Variants in HDAC9 observed in about 807,000 individuals in gnomAD.
The protein encoded by HDAC9 is histone deacetylase 9.
A neutral mutation model predicts 139.4 loss-of-function variants in HDAC9; 41 were observed. The observed-to-expected ratio is 0.29, with a 90% CI of 0.23 to 0.38. HDAC9 has a LOEUF of 0.38. Ranked by LOEUF, HDAC9 falls within the 10% of genes least tolerant of loss-of-function variation. The pLI is 1.00. For missense variants in HDAC9, 1,147 were observed against 1,297.0 expected (o/e 0.88, Z 1.78); for synonymous variants, 517 against 476.2 (o/e 1.09, Z -1.12).
chr7:18,389,398 T>C (rs1320387701), intron 1 of HDAC9, among the ~76,000 whole-genome samples: 29 of 152,200 alleles, frequency 1.9e-4, no homozygotes, highest in Admixed American at 1.9e-3. Context: ...GGCCCTGTAG[T>C]GATGGTAGCT....
chr7:18,513,707 T>C (rs940718545), intron 2 of HDAC9, among the ~76,000 whole-genome samples: 14 of 152,226 alleles, frequency 9.2e-5, no homozygotes, highest in Non-Finnish European at 1.8e-4. Context: ...AATCTAGCTG[T>C]CTTCTCTGGC....
chr7:18,543,292 T>C (rs1813621646), intron 2 of HDAC9: 1 of 152,140 alleles, frequency 6.6e-6, no homozygotes, highest in African/African-American at 2.4e-5. Context: ...AATGGTGAAT[T>C]TGCATGATGT....
chr7:18,845,362 C>G (rs1044065450), intron 21 of HDAC9, among the ~76,000 whole-genome samples: 3 of 152,096 alleles, frequency 2.0e-5, no homozygotes, highest in Admixed American at 2.0e-4. Context: ...CTCCCATTGT[C>G]AGAGCTGAGC....
chr7:18,192,514 G>T (rs558680472), intron 2 of HDAC9, among the ~76,000 whole-genome samples: 10 of 152,264 alleles, frequency 6.6e-5, no homozygotes, highest in Non-Finnish European at 1.3e-4. Flanking sequence ...GGAATCATGG[G>T]TATTTACTGT....
chr7:18,776,149 C>T (rs1790749282), intron 16 of HDAC9, among the ~76,000 whole-genome samples: 1 of 152,034 alleles, frequency 6.6e-6, no homozygotes, highest in Non-Finnish European at 1.5e-5. Context: ...CACTACGTTG[C>T]TCTGGCTAGT....
intron 22 of HDAC9, among the ~76,000 whole-genome samples, chr7:18,906,521 T>G (rs1183636806): frequency 2.6e-5 from 4 of 152,182 alleles, no homozygotes; most frequent in African/African-American, 9.7e-5. Flanking sequence ...TTTGAGTTGT[T>G]AAGATAATAT....
At chr7:18,517,702 CTTAA>C (rs1335640567) in intron 2 of HDAC9, 1 of 152,152 alleles carries the variant, frequency 6.6e-6, no homozygotes, top group East Asian at 1.9e-4. Context: ...GACAGGATGC[CTTAA>C]TTAAAGAAGA....
intron 1 of HDAC9, among the ~76,000 whole-genome samples, chr7:18,435,231 A>G (rs1791078325): frequency 6.6e-6 from 1 of 152,046 alleles, no homozygotes; most frequent in Admixed American, 6.6e-5. Flanking sequence ...AAAGAGAAGA[A>G]CAATAGACAG....
At chr7:18,482,475 G>A (rs1795646685) in intron 1 of HDAC9, among the ~76,000 whole-genome samples, 1 of 144,000 alleles carries the variant, frequency 6.9e-6, no homozygotes, top group Non-Finnish European at 1.5e-5. Context: ...CCCCTTATGT[G>A]GATATTGTTT....
At chr7:18,287,444 A>G (rs1442496487), upstream of HDAC9, among the ~76,000 whole-genome samples, 1 of 152,214 alleles carries the variant, frequency 6.6e-6, no homozygotes, top group Admixed American at 6.5e-5. Context: ...TTTTTGATTG[A>G]GCAACCAGTA....
chr7:18,458,088 A>G (rs965944796), intron 1 of HDAC9, among the ~76,000 whole-genome samples: 1 of 152,192 alleles, frequency 6.6e-6, no homozygotes, highest in Non-Finnish European at 1.5e-5. Context: ...CTTGCCATCA[A>G]AGAGTAGGTG....
At chr7:18,236,291 T>C (rs372673710) in intron 2 of HDAC9, among the ~76,000 whole-genome samples, 1 of 152,148 alleles carries the variant, frequency 6.6e-6, no homozygotes, top group East Asian at 1.9e-4. Context: ...CGACAAGTCT[T>C]CCAGGTGACT....
At chr7:18,574,806 G>C (rs1825498712) in intron 2 of HDAC9, among the ~76,000 whole-genome samples, 1 of 152,248 alleles carries the variant, frequency 6.6e-6, no homozygotes, top group Non-Finnish European at 1.5e-5. Context: ...TTCAAAATCA[G>C]AGCGAGTGCT....
intron 16 of HDAC9, among the ~76,000 whole-genome samples, chr7:18,785,025 C>G (rs540866180): frequency 2.5e-4 from 38 of 151,610 alleles, no homozygotes; most frequent in South Asian, 6.3e-4. Context: ...ATATGATGTT[C>G]CTTGACCCTT....
intron 2 of HDAC9, among the ~76,000 whole-genome samples, chr7:18,518,944 G>A (rs559503942): frequency 5.0e-4 from 76 of 152,256 alleles, no homozygotes; most frequent in Non-Finnish European, 8.5e-4. Flanking sequence ...GGGATGTGTC[G>A]TTTGCCCCTT....
intron 1 of HDAC9, among the ~76,000 whole-genome samples, chr7:18,325,165 G>A (rs761782017): frequency 2.6e-5 from 4 of 152,114 alleles, no homozygotes; most frequent in African/African-American, 9.7e-5. Context: ...TTGTCTATGA[G>A]ATGAAGTAGA....
chr7:18,437,542 T>A (rs1446694172), intron 1 of HDAC9, among the ~76,000 whole-genome samples: 2 of 149,938 alleles, frequency 1.3e-5, no homozygotes, highest in African/African-American at 2.4e-5. Context: ...TATATATATA[T>A]AATCTGGAAA....
intron 22 of HDAC9, among the ~76,000 whole-genome samples, chr7:18,901,757 A>C (rs1215641067): frequency 1.3e-5 from 2 of 152,208 alleles, no homozygotes; most frequent in African/African-American, 4.8e-5. Context: ...TTATTTAATC[A>C]TAAAAGTTGT....
Position 18,975,854 on chromosome 7 carries a change from C to T in HDAC9, c.3071C>T (p.Ala1024Val), listed in dbSNP as rs1784514704. Residue 1024 changes from alanine (A) to valine (V), a missense_variant, in exon 25 of 26, where the codon GCT (alanine) becomes GTT (valine). Ala to Val is a moderately conservative substitution (Grantham distance 64). This residue lies in a region of HDAC9 where 407 missense variants were observed against 521.5 expected (regional missense o/e 0.78). Transcript: ENST00000686413. Reference sequence around the variant, plus strand: ...ATGGTGGCTGTGCCAAGGGGCTGTGCTCTGGCTGGTGCTCAGTTGCAAGAG... The same window carrying T: ...ATGGTGGCTGTGCCAAGGGGCTGTGTTCTGGCTGGTGCTCAGTTGCAAGAG... ...VRMVAVPRGC[A>V]LAGAQLQEET... 2 of 1,613,754 alleles carry T rather than the reference C, an allele frequency of 1.2e-6. No individual in the cohort carries two copies. Among genetic ancestry groups the T allele is most frequent in the East Asian group, 4.5e-5 (2 of 44,892 alleles).
Sources: allele counts gnomAD v4.1 joint callset (sites outside exome capture counted in the v4.1 genomes callset), GRCh38; gene constraint gnomAD v4.1.1; regional missense constraint gnomAD v4.1.1; transcripts MANE v1.5; gene names NCBI Gene and HGNC (gene_info 2026-07-23, HGNC 2026-07-21).